Variants in HEATR3 observed in about 807,000 individuals in gnomAD.
The protein encoded by HEATR3 is HEAT repeat containing 3.
Under a neutral mutation model 72.8 loss-of-function variants are expected in HEATR3, and 56 were observed. That is an observed-to-expected ratio of 0.77 (90% CI 0.62 to 0.96). The LOEUF (loss-of-function observed/expected upper bound fraction) is 0.96, where lower values mean the gene tolerates loss of function less well. Among genes scored for constraint, HEATR3 ranks in the 40% least tolerant of loss-of-function variants. HEATR3 has a pLI of 0.00. For synonymous variants in HEATR3, 331 were observed against 318.1 expected (o/e 1.04, Z -0.43); for missense variants, 747 against 831.4 (o/e 0.90, Z 1.25).
chr16:50,072,573 T>C (rs757610738), intron 4 of HEATR3, 32 bp from the exon 5 acceptor site: 10 of 1,353,776 alleles, frequency 7.4e-6, no homozygotes, highest in Non-Finnish European at 9.5e-6. Context: ...AAAATGTGAA[T>C]AGTAAAACTT....
At chr16:50,088,051 C>T (rs538437701) in intron 11 of HEATR3, among the ~76,000 whole-genome samples, 3 of 152,182 alleles carry the variant, frequency 2.0e-5, no homozygotes, top group South Asian at 2.1e-4. Flanking sequence ...CGCTTGAACC[C>T]GGGAGGCGGA....
intron 2 of HEATR3, among the ~76,000 whole-genome samples, chr16:50,067,384 C>G (rs941310539): frequency 1.3e-5 from 2 of 151,426 alleles, no homozygotes; most frequent in Non-Finnish European, 2.9e-5. Flanking sequence ...CTTTAGATGA[C>G]TTGTGAAAGG....
chr16:50,096,872 G>A (rs1283486710), intron 12 of HEATR3, among the ~76,000 whole-genome samples: 3 of 152,206 alleles, frequency 2.0e-5, no homozygotes, highest in African/African-American at 7.2e-5. Flanking sequence ...TTAGTCTATA[G>A]CATTTCCCTC....
At chr16:50,066,338 C>G in intron 1 of HEATR3, 29 bp from the exon 2 acceptor site, 1 of 1,563,310 alleles carries the variant, frequency 6.4e-7, no homozygotes, top group Non-Finnish European at 8.6e-7. Flanking sequence ...CATTGCGCGC[C>G]TTCTGACCCT....
chr16:50,075,186 G>A (rs1481661885), intron 5 of HEATR3, among the ~76,000 whole-genome samples: 8 of 151,634 alleles, frequency 5.3e-5, no homozygotes, highest in Admixed American at 3.9e-4. Context: ...GCATCATGGC[G>A]CATACCTTTA....
At chr16:50,075,122 G>A (rs995708730) in intron 5 of HEATR3, 1 of 153,832 alleles carries the variant, frequency 6.5e-6, no homozygotes, top group African/African-American at 2.4e-5. Context: ...TTCCAGACCA[G>A]CCTGGCTTTC....
chr16:50,067,316 C>T (rs2036519294), intron 2 of HEATR3, among the ~76,000 whole-genome samples: 1 of 151,546 alleles, frequency 6.6e-6, no homozygotes, highest in African/African-American at 2.4e-5. Flanking sequence ...GATCACACCA[C>T]TGCACTCCAG....
At chr16:50,080,644 C>G (rs2160571) in intron 7 of HEATR3, among the ~76,000 whole-genome samples, 2 of 151,886 alleles carry the variant, frequency 1.3e-5, no homozygotes, top group African/African-American at 4.8e-5. Context: ...CAGCCTAGAT[C>G]TTTTTATTTT....
At chr16:50,070,884 C>T (rs377693893) in intron 4 of HEATR3, among the ~76,000 whole-genome samples, 10 of 152,170 alleles carry the variant, frequency 6.6e-5, no homozygotes, top group African/African-American at 1.9e-4. Context: ...TCCTTTCCCC[C>T]GACTTCTTGT....
At chr16:50,089,399 TGA>T (rs200946027) in intron 11 of HEATR3, among the ~76,000 whole-genome samples, 103,181 of 151,714 alleles carry the variant, frequency 0.68, 35,372 homozygotes, top group South Asian at 0.72. Flanking sequence ...ATTGGTAGTC[TGA>T]ATTGGCCTTG....
In HEATR3 at chr16:50,102,256, C is replaced by G. The variant is rs1264809958; in HGVS notation, c.1744-3C>G. The G allele has an allele frequency of 6.2e-6, 10 of 1,608,496 alleles. No individual in the cohort carries two copies. Among genetic ancestry groups the G allele is most frequent in the Non-Finnish European group, 7.6e-6 (9 of 1,178,328 alleles). ...CATACTAAATGTGTTTTGTTGTTTC[C>G]AGAACATTGGGTGCTTTCTGCTTGA... On this transcript the variant is annotated splice_polypyrimidine_tract_variant and splice_region_variant and intron_variant, in intron 13 of 14. Coordinates refer to ENST00000299192, the MANE Select transcript of HEATR3 (RefSeq NM_182922.4).
rs559529753 is a variant in HEATR3 at position 50,097,783 on chromosome 16, C to T, written c.1600-2447C>T. Reference sequence around the variant, plus strand: ...TTCAAAAATTAGCTGGGTGTGGTGGCACGCGCCTGTAATCCCAGCTACTTG... The same window carrying T: ...TTCAAAAATTAGCTGGGTGTGGTGGTACGCGCCTGTAATCCCAGCTACTTG... On this transcript the variant is annotated intron_variant, in intron 12 of 14. Coordinates refer to ENST00000299192, the MANE Select transcript of HEATR3 (RefSeq NM_182922.4). Among the ~76,000 whole-genome samples, 47 of 152,144 alleles carry T rather than the reference C, an allele frequency of 3.1e-4. 1 individual carries two copies. The South Asian group carries it at 9.8e-3, about 32-fold the overall frequency.
intron 6 of HEATR3, among the ~76,000 whole-genome samples, chr16:50,077,877 A>ATT (rs56374170): frequency 9.6e-6 from 1 of 104,340 alleles, no homozygotes; most frequent in East Asian, 2.9e-4. Flanking sequence ...AATGGATGTA[A>ATT]TTTTTTTTTT....
chr16:50,069,223 A>C (rs1369251923), intron 3 of HEATR3: 4 of 168,608 alleles, frequency 2.4e-5, no homozygotes, highest in Non-Finnish European at 5.2e-5. Flanking sequence ...TCTATGAGGC[A>C]GGTATTATTC....
Position 50,078,777 on chromosome 16 carries a change from A to G in HEATR3, c.800A>G (p.Lys267Arg), listed in dbSNP as rs1027491075. 1.9e-6 allele frequency: 3 copies of G among 1,613,934 alleles called. No homozygotes were observed. The Admixed American group carries it at 5.0e-5, about 27-fold the overall frequency. The change falls in exon 7 of 15, where the codon AAG becomes AGG. Residue 267 changes from lysine to arginine, a missense_variant. This residue lies in a region of HEATR3 where 586 missense variants were observed against 708.8 expected (regional missense o/e 0.83). Transcript: ENST00000299192. The part of the protein sequence containing the change: ...IWNLKDIIPC[K>R]SQAEIINALL... ...AATCTAAAGGACATTATTCCATGCA[A>G]GAGTCAAGCAGAAATCATAAATGCC... is the stretch of plus-strand genomic sequence containing the variant.
intron 12 of HEATR3, among the ~76,000 whole-genome samples, chr16:50,095,496 C>G (rs145388494): frequency 6.6e-6 from 1 of 151,008 alleles, no homozygotes; most frequent in African/African-American, 2.4e-5. Context: ...CACTTCATCT[C>G]CCATAGGTGC....
intron 13 of HEATR3, 50 bp downstream of exon 13, chr16:50,100,423 G>C (rs555012870): frequency 1.3e-6 from 2 of 1,562,648 alleles, no homozygotes; most frequent in African/African-American, 2.7e-5. Flanking sequence ...AGAAATGGGA[G>C]AAGAACTGTT....
chr16:50,079,332 A>G (rs900411112), intron 7 of HEATR3, among the ~76,000 whole-genome samples: 2 of 152,226 alleles, frequency 1.3e-5, no homozygotes, highest in African/African-American at 2.4e-5. Flanking sequence ...CACTTCTGTT[A>G]CATACTGTCT....
intron 11 of HEATR3, among the ~76,000 whole-genome samples, chr16:50,089,768 A>G (rs569760966): frequency 1.3e-5 from 2 of 152,136 alleles, no homozygotes; most frequent in South Asian, 2.1e-4. Context: ...CCCCAAGTTC[A>G]AGCAATTCTC....
Sources: gnomAD v4.1 joint callset for allele counts (sites outside exome capture counted in the v4.1 genomes callset) on GRCh38, gnomAD v4.1.1 for gene constraint, gnomAD v4.1.1 regional missense constraint, MANE v1.5 for transcripts, NCBI Gene and HGNC (gene_info 2026-07-23, HGNC 2026-07-21) for gene names.